PDE8B: variants seen among roughly 807,000 people sequenced by gnomAD.
PDE8B encodes the protein phosphodiesterase 8B.
PDE8B carries 26 observed loss-of-function variants against 101.3 expected under a neutral mutation model. The ratio of observed to expected loss-of-function variants is 0.26; its 90% CI spans 0.19 to 0.36. The LOEUF is 0.36. Ranked by LOEUF, PDE8B falls within the 10% of genes least tolerant of loss-of-function variation. PDE8B has a pLI of 1.00. For missense variants in PDE8B, 810 were observed against 1,163.1 expected (o/e 0.70, Z 4.42); for synonymous variants, 424 against 429.3 (o/e 0.99, Z 0.15).
At chr5:77,218,488 A>C (rs1322231458) in intron 1 of PDE8B, among the ~76,000 whole-genome samples, 1 of 152,244 alleles carries the variant, frequency 6.6e-6, no homozygotes, top group Non-Finnish European at 1.5e-5. Context: ...TTGCACACTC[A>C]GGCCTGTGGC....
chr5:77,356,254 A>G (rs1012218476), intron 10 of PDE8B, among the ~76,000 whole-genome samples: 5 of 152,156 alleles, frequency 3.3e-5, no homozygotes, highest in African/African-American at 9.7e-5. Flanking sequence ...TGGTGCGGAC[A>G]CGAGAACCTA....
intron 8 of PDE8B, 95 bp from the exon 9 acceptor site, chr5:77,350,970 T>C (rs2150447456): frequency 7.0e-6 from 6 of 853,516 alleles, no homozygotes; most frequent in African/African-American, 1.6e-5. Context: ...AACGAGAGCA[T>C]GTGGGAATGT....
intron 1 of PDE8B, among the ~76,000 whole-genome samples, chr5:77,275,251 A>G (rs1023115594): frequency 1.3e-5 from 2 of 151,532 alleles, no homozygotes; most frequent in African/African-American, 4.9e-5. Context: ...CTTGATCACT[A>G]CTCCTCCAGC....
chr5:77,089,699 G>C, the PDE8B span, among the ~76,000 whole-genome samples: 1 of 152,154 alleles, frequency 6.6e-6, no homozygotes, highest in Non-Finnish European at 1.5e-5. Flanking sequence ...CTGTTGGTGG[G>C]AATGTATAGC....
chr5:77,368,739 A>G (rs1305213487), intron 10 of PDE8B, among the ~76,000 whole-genome samples: 1 of 152,218 alleles, frequency 6.6e-6, no homozygotes, highest in Non-Finnish European at 1.5e-5. Flanking sequence ...TACCAGCATC[A>G]TGTCTTATAA....
At position 77,331,422 on chromosome 5, in the gene PDE8B, C is replaced by T. The variant is rs751644730; in HGVS notation, c.671C>T (p.Ala224Val). Residue 224 changes from alanine (A) to valine (V), a missense_variant, in exon 5 of 22, where the codon GCG becomes GTG. Ala to Val is a moderately conservative substitution (Grantham distance 64). Coordinates refer to ENST00000264917, the MANE Select transcript of PDE8B (RefSeq NM_003719.5). ...VSRVSDDHEE[A>V]SVLPLLHAGF... The stretch of plus-strand genomic sequence containing the variant: ...TGCAGATCGGATGACCATGAAGAGG[C>T]GTCAGTCCTTCCTCTTCTCCACGCA... 24 of 1,613,644 alleles carry T rather than the reference C, an allele frequency of 1.5e-5. No homozygotes were observed. The highest frequency in any genetic ancestry group is 4.5e-5 in the East Asian group (2 of 44,874).
chr5:77,335,529 TGG>T (rs1483145107), intron 5 of PDE8B, among the ~76,000 whole-genome samples: 1 of 113,932 alleles, frequency 8.8e-6, no homozygotes, highest in African/African-American at 3.4e-5. Flanking sequence ...AGTGTATATG[TGG>T]GGTGTGTGTG....
At chr5:77,180,106 C>G in the PDE8B span, among the ~76,000 whole-genome samples, 1 of 152,150 alleles carries the variant, frequency 6.6e-6, no homozygotes, top group East Asian at 1.9e-4. Context: ...TCCTGAGTCC[C>G]AAGAAAGGCT....
At chr5:77,310,648 T>A (rs1331821717) in intron 1 of PDE8B, among the ~76,000 whole-genome samples, 1 of 152,082 alleles carries the variant, frequency 6.6e-6, no homozygotes, top group African/African-American at 2.4e-5. Flanking sequence ...GGAGGCTGCC[T>A]CCCCAAGAGG....
At chr5:77,226,121 C>G (rs1752345639) in intron 1 of PDE8B, among the ~76,000 whole-genome samples, 1 of 152,036 alleles carries the variant, frequency 6.6e-6, no homozygotes, top group African/African-American at 2.4e-5. Flanking sequence ...ATTTCATTTT[C>G]CTTTTGATTT....
chr5:77,373,075 A>C (rs1217969958), intron 10 of PDE8B, among the ~76,000 whole-genome samples: 1 of 150,588 alleles, frequency 6.6e-6, no homozygotes, highest in East Asian at 1.9e-4. Flanking sequence ...TCATTTCTTT[A>C]TTTGTGTTTG....
chr5:77,371,489 T>C (rs1785081340), intron 10 of PDE8B, among the ~76,000 whole-genome samples: 1 of 152,212 alleles, frequency 6.6e-6, no homozygotes, highest in South Asian at 2.1e-4. Context: ...ATTGCATGCT[T>C]TCTTAATTAC....
intron 1 of PDE8B, among the ~76,000 whole-genome samples, chr5:77,226,853 A>T (rs1752498847): frequency 6.6e-6 from 1 of 152,080 alleles, no homozygotes; most frequent in African/African-American, 2.4e-5. Flanking sequence ...CTCTGAGACA[A>T]ATTGTTTAGA....
At chr5:77,224,544 T>C (rs1751906506) in intron 1 of PDE8B, among the ~76,000 whole-genome samples, 1 of 152,208 alleles carries the variant, frequency 6.6e-6, no homozygotes, top group Non-Finnish European at 1.5e-5. Context: ...ACTATTTCAG[T>C]ATGTAACTCT....
At chr5:77,190,526 G>A in the PDE8B span, among the ~76,000 whole-genome samples, 16 of 152,292 alleles carry the variant, frequency 1.1e-4, no homozygotes, top group Middle Eastern at 6.8e-3. Flanking sequence ...ATAGTTTAGC[G>A]GCCAGTACTA....
At chr5:77,309,833 T>C (rs929494830) in intron 1 of PDE8B, among the ~76,000 whole-genome samples, 3 of 151,518 alleles carry the variant, frequency 2.0e-5, no homozygotes. Flanking sequence ...TTGGCCAGGC[T>C]GGTCTCAAAC....
At chr5:77,158,914 T>C in the PDE8B span, among the ~76,000 whole-genome samples, 1 of 152,158 alleles carries the variant, frequency 6.6e-6, no homozygotes, top group Non-Finnish European at 1.5e-5. Flanking sequence ...GTATACTCCT[T>C]AGGTAACACA....
the PDE8B span, among the ~76,000 whole-genome samples, chr5:77,157,578 G>A: frequency 3.9e-5 from 6 of 152,218 alleles, no homozygotes; most frequent in Non-Finnish European, 8.8e-5. Context: ...ACATAGAGGC[G>A]TGATGGATAA....
intron 1 of PDE8B, among the ~76,000 whole-genome samples, chr5:77,296,678 T>G (rs1768651129): frequency 6.6e-6 from 1 of 152,204 alleles, no homozygotes; most frequent in Non-Finnish European, 1.5e-5. Flanking sequence ...TATCTTGACA[T>G]TTCTTGAGAT....
Sources: gnomAD v4.1 joint callset for allele counts (sites outside exome capture counted in the v4.1 genomes callset) on GRCh38, gnomAD v4.1.1 for gene constraint, MANE v1.5 for transcripts, NCBI Gene and HGNC (gene_info 2026-07-23, HGNC 2026-07-21) for gene names.